ATP11B: variants seen among roughly 807,000 people sequenced by gnomAD.
ATP11B encodes ATPase phospholipid transporting 11B (putative), also known as phospholipid-transporting ATPase IF.
Under a neutral mutation model 157.8 loss-of-function variants are expected in ATP11B, and 81 were observed. The observed-to-expected ratio is 0.51, with a 90% CI of 0.43 to 0.62. The LOEUF (loss-of-function observed/expected upper bound fraction) is 0.62, where lower values mean the gene tolerates loss of function less well. Among genes scored for constraint, ATP11B ranks in the 20% least tolerant of loss-of-function variants. The pLI is 0.00. For missense variants in ATP11B, 1,165 were observed against 1,402.2 expected, an observed-to-expected ratio of 0.83 and a Z score of 2.70; for synonymous variants, 451 against 469.4, an observed-to-expected ratio of 0.96 and a Z score of 0.51.
At chr3:182,830,726 A>C (rs1344413040) in intron 4 of ATP11B, among the ~76,000 whole-genome samples, 1 of 152,240 alleles carries the variant, frequency 6.6e-6, no homozygotes, top group Admixed American at 6.5e-5. Flanking sequence ...TTTATTGCAT[A>C]CATAAGAAAG....
intron 24 of ATP11B, 38 bp from the exon 25 acceptor site, chr3:182,889,372 G>T: frequency 1.4e-6 from 2 of 1,396,358 alleles, no homozygotes; most frequent in South Asian, 2.7e-5. Flanking sequence ...AATAATAAAT[G>T]ATCCCTAATA....
chr3:182,855,121 G>A (rs1031534060), intron 10 of ATP11B, among the ~76,000 whole-genome samples: 4 of 152,256 alleles, frequency 2.6e-5, no homozygotes, highest in Non-Finnish European at 5.9e-5. Context: ...GAAAAATAAA[G>A]TGAGAAGAAT....
chr3:182,824,044 A>G (rs1351642865), intron 2 of ATP11B, among the ~76,000 whole-genome samples: 3 of 151,726 alleles, frequency 2.0e-5, no homozygotes, highest in Admixed American at 1.3e-4. Flanking sequence ...TTCTGTAACT[A>G]TAGTTTTTTC....
chr3:182,894,353 A>G (rs1219788454), intron 25 of ATP11B, among the ~76,000 whole-genome samples: 1 of 152,114 alleles, frequency 6.6e-6, no homozygotes, highest in African/African-American at 2.4e-5. Context: ...CGCCAGGCTA[A>G]TTTTGTATTT....
At chr3:182,903,372 T>C (rs1724105683) in intron 28 of ATP11B, among the ~76,000 whole-genome samples, 1 of 152,144 alleles carries the variant, frequency 6.6e-6, no homozygotes, top group Admixed American at 6.5e-5. Flanking sequence ...TCTTTCTCTA[T>C]GTTCATTTGA....
intron 7 of ATP11B, among the ~76,000 whole-genome samples, chr3:182,838,500 T>A (rs905227681): frequency 6.6e-6 from 1 of 152,168 alleles, no homozygotes; most frequent in East Asian, 1.9e-4. Flanking sequence ...TGGAAGTATG[T>A]GTTTTGTTTT....
intron 2 of ATP11B, among the ~76,000 whole-genome samples, chr3:182,827,523 A>G (rs6780927): frequency 0.87 from 132,536 of 151,902 alleles, 58,259 homozygotes; most frequent in African/African-American, 0.97. Flanking sequence ...GCTTTTAACC[A>G]TTGTGCTATA....
In ATP11B at chr3:182,793,825, C is replaced by G. The variant is rs755700245; in HGVS notation, c.27+39C>G. 5.5e-6 allele frequency: 7 copies of G among 1,272,614 alleles called. No individual in the cohort carries two copies. In the South Asian group the frequency reaches 1.3e-4, roughly 23 times the overall value. The allele number at this position is 1,272,614 out of a possible 1,614,324, so 78.8% of individuals were successfully genotyped here. On this transcript the variant is annotated intron_variant, in intron 1 of 29. Coordinates refer to ENST00000323116, the MANE Select transcript of ATP11B (RefSeq NM_014616.3). ...CCCCTCCACCTCCATTCGTCCGCCC[C>G]CGCGGGGCCTCTCGGCCCGGGGTGG...
In ATP11B at chr3:182,884,475, C is replaced by T. The variant is rs559157217; in HGVS notation, c.2510-278C>T. Among the ~76,000 whole-genome samples, 3 of 152,120 alleles carry T rather than the reference C, an allele frequency of 2.0e-5. No individual in the cohort carries two copies. The South Asian group carries it at 6.2e-4, about 32-fold the overall frequency. On this transcript the variant is annotated intron_variant, in intron 21 of 29. Transcript: ENST00000323116. ...ATTAGTGTAATAATTGATGTTCCTG[C>T]TAAATCCTTAACTTTCAATATTATT...
chr3:182,913,816 T>A, intron 28 of ATP11B, 45 bp from the exon 29 acceptor site: 2 of 1,613,724 alleles, frequency 1.2e-6, no homozygotes, highest in Non-Finnish European at 1.7e-6. Context: ...TTTTCAGAAG[T>A]CCATATCTTT....
At chr3:182,915,533 T>C (rs1725080942) in intron 29 of ATP11B, 1 of 980,308 alleles carries the variant, frequency 1.0e-6, no homozygotes, top group Non-Finnish European at 1.2e-6. Context: ...TAGACTAAGA[T>C]ACAATAGAAC....
intron 28 of ATP11B, chr3:182,902,481 A>G: frequency 7.8e-7 from 1 of 1,288,724 alleles, no homozygotes; most frequent in Non-Finnish European, 1.0e-6. Context: ...CCACTTATAG[A>G]TGTACTCCAA....
intron 27 of ATP11B, 71 bp from the exon 28 acceptor site, chr3:182,898,536 G>A: frequency 7.9e-7 from 1 of 1,273,110 alleles, no homozygotes; most frequent in Non-Finnish European, 1.1e-6. Context: ...CAACTGTAGT[G>A]TCTTTATATG....
At chr3:182,865,196 A>G (rs755759256) in intron 12 of ATP11B, among the ~76,000 whole-genome samples, 4 of 152,196 alleles carry the variant, frequency 2.6e-5, no homozygotes, top group African/African-American at 4.8e-5. Flanking sequence ...ATTCTCGTCA[A>G]TTCTACAGAT....
chr3:182,909,244 CA>C (rs1309399962), intron 28 of ATP11B, among the ~76,000 whole-genome samples: 2 of 152,168 alleles, frequency 1.3e-5, no homozygotes, highest in Non-Finnish European at 2.9e-5. Flanking sequence ...GAATTTATTT[CA>C]AAAGGCAATT....
chr3:182,886,361 T>C (rs901037446), intron 23 of ATP11B, among the ~76,000 whole-genome samples: 1 of 152,164 alleles, frequency 6.6e-6, no homozygotes, highest in African/African-American at 2.4e-5. Context: ...CTCATTTTTA[T>C]TTTTGATTCG....
intron 21 of ATP11B, among the ~76,000 whole-genome samples, chr3:182,883,537 C>T (rs1229907318): frequency 2.0e-5 from 3 of 151,870 alleles, no homozygotes; most frequent in African/African-American, 7.3e-5. Flanking sequence ...GGACTACAGG[C>T]GTGAGCCACC....
chr3:182,869,021 CTT>C, intron 15 of ATP11B, 55 bp from the exon 16 acceptor site: 1 of 1,107,964 alleles, frequency 9.0e-7, no homozygotes, highest in Non-Finnish European at 1.3e-6. Flanking sequence ...CATATAGTCA[CTT>C]AATATTATTT....
intron 1 of ATP11B, among the ~76,000 whole-genome samples, chr3:182,804,820 C>CT (rs1328222777): frequency 2.0e-5 from 3 of 152,186 alleles, no homozygotes; most frequent in Non-Finnish European, 4.4e-5. Flanking sequence ...AAATCAACCA[C>CT]TTTCTGTTTC....
Sources: gnomAD v4.1 joint callset for allele counts (sites outside exome capture counted in the v4.1 genomes callset) on GRCh38, gnomAD v4.1.1 for gene constraint, MANE v1.5 for transcripts, NCBI Gene and HGNC (gene_info 2026-07-23, HGNC 2026-07-21) for gene names.